SLC22A5: variants seen among roughly 807,000 people sequenced by gnomAD.
SLC22A5 encodes solute carrier family 22 member 5.
SLC22A5 carries 44 observed loss-of-function variants against 56.7 expected under a neutral mutation model. That is an observed-to-expected ratio of 0.78 (90% CI 0.61 to 1.00). The LOEUF (loss-of-function observed/expected upper bound fraction) is 1.00, where lower values mean the gene tolerates loss of function less well. Ranked by LOEUF, SLC22A5 falls within the 50% of genes least tolerant of loss-of-function variation. SLC22A5 has a pLI of 0.00. For missense variants in SLC22A5, 675 were observed against 723.0 expected (o/e 0.93, Z 0.76); for synonymous variants, 278 against 292.1 (o/e 0.95, Z 0.49).
At chr5:132,384,445 C>T (rs887019963) in intron 3 of SLC22A5, 144 bp downstream of exon 3, 4 of 901,598 alleles carry the variant, frequency 4.4e-6, no homozygotes, top group Non-Finnish European at 7.2e-6. Context: ...GTGAACCTTA[C>T]TTACAGGCAG....
chr5:132,387,045 G>A lies in SLC22A5; in HGVS notation c.845G>A (p.Arg282Gln), dbSNP rs386134210. 1.6e-5 allele frequency: 26 copies of A among 1,613,972 alleles called. No homozygotes were observed. The highest frequency in any genetic ancestry group is 1.5e-4 in the Admixed American group (9 of 59,992). ...ALWWFIPESPRWLISQGRFEE... is the reference protein window; with the variant it reads ...ALWWFIPESPQWLISQGRFEE... ...GCCAGGTTCATCCCTGAGTCCCCCCGATGGCTCATCTCTCAGGGACGATTT... is the reference window on the plus strand; with the variant it reads ...GCCAGGTTCATCCCTGAGTCCCCCCAATGGCTCATCTCTCAGGGACGATTT... Residue 282 changes from arginine (R) to glutamine (Q), a missense_variant, in exon 5 of 10, where the codon CGA (arginine) becomes CAA (glutamine). Coordinates refer to ENST00000245407, the MANE Select transcript of SLC22A5 (RefSeq NM_003060.4).
In SLC22A5 at chr5:132,378,439, G is replaced by A. The variant is rs747821417; in HGVS notation, c.455G>A (p.Gly152Asp). 3.1e-6 allele frequency: 5 copies of A among 1,614,024 alleles called. No individual in the cohort carries two copies. Among genetic ancestry groups the A allele is most frequent in the Non-Finnish European group, 4.2e-6 (5 of 1,179,948 alleles). The change falls in exon 2 of 10, where the codon GGT (glycine) becomes GAT (aspartate). Residue 152 changes from glycine (G) to aspartate (D), a missense_variant. Gly to Asp is a moderately conservative substitution (Grantham distance 94). Transcript: ENST00000245407. ...CTCACAATCTCCTTGTTCTTCGTGG[G>A]TGTGCTGTTGGGCTCCTTCATTTCA... ...APLTISLFFV[G>D]VLLGSFISGQ...
chr5:132,369,943 G>T lies in SLC22A5; in HGVS notation c.-30G>T, dbSNP rs758034537. 1 of 1,610,580 alleles carries T rather than the reference G, an allele frequency of 6.2e-7. No individual in the cohort carries two copies. The highest frequency in any genetic ancestry group is 8.5e-7 in the Non-Finnish European group (1 of 1,178,848). ...AAGCCCGCCGCGTTCCCCGACCCCA[G>T]GCCGCGCTCTGTGGGCCTCTGAGGG... On this transcript the variant is annotated 5_prime_UTR_variant, in exon 1 of 10. The change creates a new upstream start codon in the 5' untranslated region. Transcript: ENST00000245407.
chr5:132,378,756 G>A, intron 2 of SLC22A5: 2 of 454,926 alleles, frequency 4.4e-6, no homozygotes, highest in South Asian at 4.2e-5. Context: ...CACTTCTGCA[G>A]TAGCCTGGCT....
At chr5:132,378,083 G>A (rs1392219010) in intron 1 of SLC22A5, 60 of 1,542,364 alleles carry the variant, frequency 3.9e-5, no homozygotes, top group Admixed American at 8.0e-5. Flanking sequence ...AGGAGCAAGC[G>A]TTAGAGGCCT....
intron 8 of SLC22A5, 118 bp from the exon 9 acceptor site, chr5:132,393,558 G>C (rs1272711042): frequency 8.2e-7 from 1 of 1,213,824 alleles, no homozygotes; most frequent in Non-Finnish European, 1.2e-6. Context: ...GACTGTGAGA[G>C]ATGTGAGACC....
intron 7 of SLC22A5, 67 bp downstream of exon 7, chr5:132,390,971 CAAT>C (rs1752679693): frequency 7.0e-6 from 9 of 1,286,152 alleles, no homozygotes; most frequent in Non-Finnish European, 1.0e-5. Flanking sequence ...CAGGCTGTCT[CAAT>C]TAATAAAGAG....
At chr5:132,370,608 C>T (rs181541259) in intron 1 of SLC22A5, among the ~76,000 whole-genome samples, 1 of 152,266 alleles carries the variant, frequency 6.6e-6, no homozygotes, top group African/African-American at 2.4e-5. Flanking sequence ...TCCTGATGGC[C>T]ACTTTGAAGA....
At chr5:132,391,031 G>C in intron 7 of SLC22A5, 127 bp downstream of exon 7, 4 of 790,816 alleles carry the variant, frequency 5.1e-6, no homozygotes, top group Non-Finnish European at 8.5e-6. Context: ...TACATTCTTG[G>C]CCTAAAAATC....
In SLC22A5 at chr5:132,369,796, G is replaced by A. The variant is rs1476727726; in HGVS notation, c.-177G>A. 1.0e-5 allele frequency: 8 copies of A among 785,582 alleles called. No individual in the cohort carries two copies. Among genetic ancestry groups the A allele is most frequent in the Non-Finnish European group, 1.3e-5 (7 of 521,446 alleles). The allele number at this position is 785,582 out of a possible 1,614,324, so 48.7% of individuals were successfully genotyped here. On this transcript the variant is annotated 5_prime_UTR_variant, in exon 1 of 10. Transcript: ENST00000245407. Reference sequence around the variant, plus strand: ...TTCCCTGGTCGTGCGCCCTATGTAAGGCCAGCCGCGGCAGGACCAAGGCGG... The same window carrying A: ...TTCCCTGGTCGTGCGCCCTATGTAAAGCCAGCCGCGGCAGGACCAAGGCGG...
intron 9 of SLC22A5, 56 bp downstream of exon 9, chr5:132,393,867 T>C: frequency 6.2e-7 from 1 of 1,601,928 alleles, no homozygotes; most frequent in Non-Finnish European, 8.6e-7. Flanking sequence ...TGGCCAGGTC[T>C]CAGGAGCCCC....
rs900086219 is a variant in SLC22A5, at chr5:132,385,271, T to A, written c.653-57T>A. On this transcript the variant is annotated intron_variant, in intron 3 of 9. Transcript: ENST00000245407. The stretch of plus-strand genomic sequence containing the variant: ...GTATTCACAAAGATACCATAAAAAA[T>A]TAATAAGGAAGGAACCCAAATTAAA... 2.8e-5 allele frequency: 41 copies of A among 1,459,260 alleles called. 1 individual carries two copies. The Admixed American group carries it at 6.5e-4, about 23-fold the overall frequency. 90.4% of individuals were successfully genotyped at this position (1,459,260 alleles called of 1,614,324 possible). A position where few individuals can be genotyped will look rare whatever the true frequency, so the allele number is the denominator to read the frequency against.
chr5:132,370,953 C>CTTTTTTTTTTTTTTTTTTTTTTTT (rs750736082), intron 1 of SLC22A5, among the ~76,000 whole-genome samples: 1 of 133,786 alleles, frequency 7.5e-6, no homozygotes, highest in African/African-American at 2.7e-5. Flanking sequence ...AGTTGTCAGT[C>CTTTTTTTTTTTTTTTTTTTTTTTT]TTTTTTTTTT....
intron 4 of SLC22A5, among the ~76,000 whole-genome samples, chr5:132,386,091 T>A (rs1000028052): frequency 2.0e-5 from 3 of 152,234 alleles, no homozygotes; most frequent in Admixed American, 1.3e-4. Context: ...AAGCCGCACA[T>A]CATGGGGCCC....
At chr5:132,382,066 A>G (rs1297384639) in intron 2 of SLC22A5, 4 of 152,186 alleles carry the variant, frequency 2.6e-5, no homozygotes, top group African/African-American at 9.7e-5. Flanking sequence ...TGAGCCAAAT[A>G]ATTTTGTTCT....
In SLC22A5 at chr5:132,390,671, C is replaced by A. The variant is rs372778184; in HGVS notation, c.1053-19C>A. On this transcript the variant is annotated intron_variant, in intron 6 of 9. Transcript: ENST00000245407. ...ATGTGGATACTGCTTTTCCAGCTTT[C>A]TTCTGCACTCTGTTTCAGGATGACC... The A allele has an allele frequency of 2.3e-5, 36 of 1,578,800 alleles. No individual in the cohort carries two copies. Among genetic ancestry groups the A allele is most frequent in the Non-Finnish European group, 3.0e-5 (34 of 1,147,838 alleles).
In SLC22A5 at chr5:132,378,378, T is replaced by G; in HGVS notation, c.394T>G (p.Trp132Gly). 6.2e-7 allele frequency: 1 copy of G among 1,614,070 alleles called. No individual in the cohort carries two copies. The highest frequency in any genetic ancestry group is 8.5e-7 in the Non-Finnish European group (1 of 1,179,880). ...TACACCCCCTTTGCTCATCTTGCAGTGGAACCTGGTGTGTGAGGACGACTG... is the reference window on the plus strand; with the variant it reads ...TACACCCCCTTTGCTCATCTTGCAGGGGAACCTGGTGTGTGAGGACGACTG... The part of the protein sequence containing the change: ...DVYLSTIVTE[W>G]NLVCEDDWKA... The change falls in exon 2 of 10, where the codon TGG becomes GGG. Residue 132 changes from tryptophan (W) to glycine (G), a missense_variant and splice_region_variant. By Grantham distance (184) the Trp-to-Gly change is radical (BLOSUM62 -2). Transcript: ENST00000245407.
chr5:132,369,758 C>T lies in SLC22A5; in HGVS notation c.-215C>T. On this transcript the variant is annotated 5_prime_UTR_variant, in exon 1 of 10. Transcript: ENST00000245407. ...TGCCAGCGGGGCGCGCCTTGCGGCC[C>T]AGGCCCGCAACCTTCCCTGGTCGTG... 3.6e-6 allele frequency: 2 copies of T among 551,386 alleles called. No homozygotes were observed. Among genetic ancestry groups the T allele is most frequent in the Non-Finnish European group, 5.9e-6 (2 of 336,792 alleles). 34.2% of individuals were successfully genotyped at this position (551,386 alleles called of 1,614,324 possible).
intron 2 of SLC22A5, chr5:132,380,528 C>T (rs1752311644): frequency 2.0e-5 from 3 of 151,886 alleles, no homozygotes; most frequent in South Asian, 2.1e-4. Flanking sequence ...AAAAGGTTGT[C>T]ACAGTAGTTC....
Sources: allele counts gnomAD v4.1 joint callset (sites outside exome capture counted in the v4.1 genomes callset), GRCh38; gene constraint gnomAD v4.1.1; transcripts MANE v1.5; gene names NCBI Gene and HGNC (gene_info 2026-07-23, HGNC 2026-07-21).